Variants in LRRC28 observed in about 807,000 individuals in gnomAD.
LRRC28 encodes leucine rich repeat containing 28.
Under a neutral mutation model 45.7 loss-of-function variants are expected in LRRC28, and 39 were observed. That is an observed-to-expected ratio of 0.85 (90% confidence interval 0.66 to 1.12). LRRC28 has a LOEUF of 1.12. Among genes scored for constraint, LRRC28 ranks in the 50% most tolerant of loss-of-function variants. The probability of loss-of-function intolerance (pLI) is 0.00; values close to 1 mark genes in which losing one functional copy is unlikely to be tolerated. For missense variants in LRRC28, 435 were observed against 438.5 expected, an observed-to-expected ratio of 0.99 and a Z score of 0.07; for synonymous variants, 206 against 178.8, an observed-to-expected ratio of 1.15 and a Z score of -1.22.
At chr15:99,307,281 A>G (rs7498053) in intron 5 of LRRC28, among the ~76,000 whole-genome samples, 82,942 of 152,002 alleles carry the variant, frequency 0.55, 24,996 homozygotes, top group African/African-American at 0.83. Flanking sequence ...GCTACAGTGC[A>G]GAACAAAGTG....
chr15:99,378,609 T>C (rs1462200981), intron 9 of LRRC28, among the ~76,000 whole-genome samples: 1 of 152,332 alleles, frequency 6.6e-6, no homozygotes, highest in Non-Finnish European at 1.5e-5. Flanking sequence ...GGCATCCCTG[T>C]CTTGTGCCAG....
chr15:99,342,915 T>G (rs373622303), intron 6 of LRRC28, among the ~76,000 whole-genome samples: 1 of 152,248 alleles, frequency 6.6e-6, no homozygotes, highest in East Asian at 1.9e-4. Context: ...TCTGTGTGTT[T>G]GTGTGTATTT....
chr15:99,353,463 G>C (rs1956950538), intron 7 of LRRC28, among the ~76,000 whole-genome samples: 2 of 152,150 alleles, frequency 1.3e-5, no homozygotes, highest in Non-Finnish European at 1.5e-5. Context: ...AGCCCAAGAT[G>C]AGTTCAGTGC....
At chr15:99,350,622 G>C (rs1026017956) in intron 6 of LRRC28, among the ~76,000 whole-genome samples, 1 of 152,110 alleles carries the variant, frequency 6.6e-6, no homozygotes, top group Non-Finnish European at 1.5e-5. Context: ...ATGGTTAAAT[G>C]GGTTTTCATT....
At chr15:99,367,519 C>T (rs1484848403) in intron 9 of LRRC28, among the ~76,000 whole-genome samples, 1 of 152,134 alleles carries the variant, frequency 6.6e-6, no homozygotes, top group Non-Finnish European at 1.5e-5. Context: ...GATAATGGCA[C>T]TCATGAGGGC....
At chr15:99,375,232 T>G (rs202024395) in intron 9 of LRRC28, among the ~76,000 whole-genome samples, 11 of 152,336 alleles carry the variant, frequency 7.2e-5, no homozygotes, top group Admixed American at 5.9e-4. Flanking sequence ...TCCATTGATA[T>G]GATCATATGG....
chr15:99,376,310 GT>G (rs1008022974), intron 9 of LRRC28, among the ~76,000 whole-genome samples: 1 of 151,946 alleles, frequency 6.6e-6, no homozygotes, highest in Admixed American at 6.6e-5. Flanking sequence ...TTTGTTATTG[GT>G]TTCTAGTTTG....
At chr15:99,316,804 G>T (rs973174681) in intron 5 of LRRC28, among the ~76,000 whole-genome samples, 2 of 151,908 alleles carry the variant, frequency 1.3e-5, no homozygotes, top group Non-Finnish European at 2.9e-5. Context: ...GGACCCTGGC[G>T]GATACAAGCT....
At chr15:99,356,679 GAAAC>G (rs1198888958) in intron 7 of LRRC28, among the ~76,000 whole-genome samples, 1 of 152,110 alleles carries the variant, frequency 6.6e-6, no homozygotes, top group Non-Finnish European at 1.5e-5. Flanking sequence ...AATTTGATGA[GAAAC>G]AAATTTACAT....
At chr15:99,318,936 C>T (rs1372204333) in intron 5 of LRRC28, among the ~76,000 whole-genome samples, 1 of 151,912 alleles carries the variant, frequency 6.6e-6, no homozygotes, top group African/African-American at 2.4e-5. Flanking sequence ...AAGAAAGAAA[C>T]TGGAGTGAAT....
chr15:99,258,969 A>C, intron 2 of LRRC28: 1 of 748,722 alleles, frequency 1.3e-6, no homozygotes, highest in Non-Finnish European at 2.5e-6. Context: ...GAGACTCTTC[A>C]GCAACATAAA....
chr15:99,281,133 T>G (rs2081776724), intron 3 of LRRC28, among the ~76,000 whole-genome samples: 1 of 152,104 alleles, frequency 6.6e-6, no homozygotes, highest in African/African-American at 2.4e-5. Flanking sequence ...GCTCAAGGGA[T>G]CCTCCCATCT....
At chr15:99,366,204 G>T (rs1344532563) in intron 9 of LRRC28, among the ~76,000 whole-genome samples, 5 of 152,158 alleles carry the variant, frequency 3.3e-5, no homozygotes, top group Non-Finnish European at 5.9e-5. Flanking sequence ...TGTCAGCAGG[G>T]TTGGTTCCTT....
chr15:99,379,398 A>AT (rs1468763444), intron 9 of LRRC28, among the ~76,000 whole-genome samples: 1 of 152,024 alleles, frequency 6.6e-6, no homozygotes, highest in Non-Finnish European at 1.5e-5. Context: ...CCCCTTTATC[A>AT]TTTTTTATTG....
In LRRC28 at chr15:99,314,767, C is replaced by T. The variant is rs28615349; in HGVS notation, c.386-19156C>T. 9.1e-3 allele frequency among the ~76,000 whole-genome samples: 1,391 copies of T among 152,300 alleles called. 13 individuals are homozygous for T. The highest frequency in any genetic ancestry group is 0.031 in the African/African-American group (1,301 of 41,564). ...CTATAAGATGTTTGAACATCAATCT[C>T]TAGTGGAGAAAGTAGCCTTTAACTT... On this transcript the variant is annotated intron_variant, in intron 5 of 9. Transcript: ENST00000301981.
intron 3 of LRRC28, among the ~76,000 whole-genome samples, chr15:99,284,474 G>A (rs1324128948): frequency 1.3e-5 from 2 of 152,146 alleles, no homozygotes; most frequent in Non-Finnish European, 2.9e-5. Flanking sequence ...ATATACATGA[G>A]TATTTGTCTA....
In LRRC28 at chr15:99,389,042, A is replaced by G. The variant is rs1958110184; in HGVS notation, c.*2940A>G. 6.6e-6 allele frequency: 1 copy of G among 152,372 alleles called. No individual in the cohort carries two copies. The highest frequency in any genetic ancestry group is 2.4e-5 in the African/African-American group (1 of 41,592). The allele number at this position is 152,372 out of a possible 1,614,324, so 9.4% of individuals were successfully genotyped here. A position where few individuals can be genotyped will look rare whatever the true frequency, so the allele number is the denominator to read the frequency against. ...TGTTTTGAGCACATTCTTAAAATACATAATAATTAAATGATCCCTATTCAA... is the reference window on the plus strand; with the variant it reads ...TGTTTTGAGCACATTCTTAAAATACGTAATAATTAAATGATCCCTATTCAA... On this transcript the variant is annotated 3_prime_UTR_variant, in exon 10 of 10. Transcript: ENST00000301981.
intron 5 of LRRC28, among the ~76,000 whole-genome samples, chr15:99,310,283 G>A (rs1010785428): frequency 2.6e-5 from 4 of 152,124 alleles, no homozygotes; most frequent in African/African-American, 4.8e-5. Flanking sequence ...AGGTGGGAGA[G>A]TTTTTCTACA....
chr15:99,358,459 A>T (rs1957107321), intron 7 of LRRC28, among the ~76,000 whole-genome samples: 1 of 152,100 alleles, frequency 6.6e-6, no homozygotes, highest in African/African-American at 2.4e-5. Flanking sequence ...TTCAAATTGA[A>T]TGATAACTGA....
Sources: gnomAD v4.1 joint callset for allele counts (sites outside exome capture counted in the v4.1 genomes callset) on GRCh38, gnomAD v4.1.1 for gene constraint, MANE v1.5 for transcripts, NCBI Gene and HGNC (gene_info 2026-07-23, HGNC 2026-07-21) for gene names.